The following C3orf33 variants were observed in gnomAD, a reference collection of about 807,000 sequenced individuals.
C3orf33 encodes AP-1 activity suppressor.
C3orf33 carries 23 observed loss-of-function variants against 28.7 expected under a neutral mutation model. The ratio of observed to expected loss-of-function variants is 0.80; its 90% confidence interval spans 0.58 to 1.13. The LOEUF is 1.13. C3orf33 is among the 50% of genes most tolerant of loss of function. The probability of loss-of-function intolerance (pLI) is 0.00; values close to 1 mark genes in which losing one functional copy is unlikely to be tolerated. For synonymous variants in C3orf33, 119 were observed against 120.5 expected (o/e 0.99, Z 0.08); for missense variants, 327 against 353.4 (o/e 0.93, Z 0.60).
At chr3:155,795,232 G>C (rs1751441318) in intron 2 of C3orf33, among the ~76,000 whole-genome samples, 1 of 152,186 alleles carries the variant, frequency 6.6e-6, no homozygotes, top group Non-Finnish European at 1.5e-5. Flanking sequence ...GAGGTGGATA[G>C]ACCACCTGAG....
chr3:155,776,948 A>G (rs1050082852), intron 2 of C3orf33, among the ~76,000 whole-genome samples: 4 of 152,086 alleles, frequency 2.6e-5, no homozygotes, highest in Non-Finnish European at 4.4e-5. Context: ...GTGGCAAGAT[A>G]CTATAAAATA....
At chr3:155,803,713 T>C (rs968385263) in intron 1 of C3orf33, among the ~76,000 whole-genome samples, 1 of 150,044 alleles carries the variant, frequency 6.7e-6, no homozygotes, top group Non-Finnish European at 1.5e-5. Context: ...AAACCTCGTC[T>C]CTACTAAAAA....
At chr3:155,778,723 T>C (rs1577420134) in intron 2 of C3orf33, among the ~76,000 whole-genome samples, 2 of 152,160 alleles carry the variant, frequency 1.3e-5, no homozygotes, top group East Asian at 3.8e-4. Context: ...GAAATACAGA[T>C]TAAATATGCA....
At chr3:155,799,924 A>T (rs1475313948) in intron 2 of C3orf33, among the ~76,000 whole-genome samples, 1 of 152,156 alleles carries the variant, frequency 6.6e-6, no homozygotes, top group Non-Finnish European at 1.5e-5. Context: ...TGGGAAGGGT[A>T]GCTGGGGATG....
At chr3:155,785,438 G>T (rs1751071224) in intron 2 of C3orf33, among the ~76,000 whole-genome samples, 1 of 152,186 alleles carries the variant, frequency 6.6e-6, no homozygotes, top group South Asian at 2.1e-4. Context: ...CAGTCTCCAA[G>T]ATAGACCATT....
chr3:155,768,070 G>A (rs984130560), intron 3 of C3orf33, among the ~76,000 whole-genome samples: 1 of 152,062 alleles, frequency 6.6e-6, no homozygotes, highest in Admixed American at 6.6e-5. Flanking sequence ...AGTAGAGACA[G>A]GGTCTCGTTA....
chr3:155,804,380 C>T (rs1446141568), intron 1 of C3orf33, among the ~76,000 whole-genome samples: 1 of 152,110 alleles, frequency 6.6e-6, no homozygotes, highest in African/African-American at 2.4e-5. Context: ...CACCAATTAA[C>T]ACATATATTA....
At chr3:155,767,693 G>A (rs760850350) in intron 3 of C3orf33, 24 bp from the exon 4 acceptor site, 6 of 1,461,836 alleles carry the variant, frequency 4.1e-6, no homozygotes, top group Non-Finnish European at 5.5e-6. Flanking sequence ...GTAGAAAAGA[G>A]TTTAGCTTTA....
intron 2 of C3orf33, among the ~76,000 whole-genome samples, chr3:155,776,759 C>CAAAAAAAAA (rs10654812): frequency 7.5e-4 from 65 of 86,876 alleles, no homozygotes; most frequent in African/African-American, 8.8e-4. Flanking sequence ...CTGACTCTGT[C>CAAAAAAAAA]AAAAAAAAAA....
chr3:155,763,552 G>A lies in C3orf33; in HGVS notation c.850C>T (p.Leu284Phe). ...CTACGAAAGTTTATGCGACTTATAA[G>A]TTCTCTGAACTTCAGTATTAAGGAG... ...NCSLILKFRE[L>F]ISRINFRRKG Residue 284 changes from leucine (L) to phenylalanine (F), a missense_variant, in exon 5 of 5, where the codon CTT becomes TTT. By Grantham distance (22) the Leu-to-Phe change is conservative (BLOSUM62 0). Coordinates refer to ENST00000340171, the MANE Select transcript of C3orf33 (RefSeq NM_001308229.2). The A allele has an allele frequency of 6.5e-7, 1 of 1,537,816 alleles. No individual in the cohort carries two copies. The highest frequency in any genetic ancestry group is 8.7e-7 in the Non-Finnish European group (1 of 1,152,208).
chr3:155,795,301 C>A (rs1476491690), intron 2 of C3orf33, among the ~76,000 whole-genome samples: 1 of 151,874 alleles, frequency 6.6e-6, no homozygotes, highest in Non-Finnish European at 1.5e-5. Context: ...ACTAAAAATA[C>A]AAAAATTAGC....
intron 2 of C3orf33, among the ~76,000 whole-genome samples, chr3:155,791,425 C>T (rs762221623): frequency 2.6e-5 from 4 of 152,124 alleles, no homozygotes; most frequent in Non-Finnish European, 5.9e-5. Context: ...GTGAGGGACT[C>T]CTTCTACTTG....
chr3:155,804,807 C>T (rs1751763755), intron 1 of C3orf33, among the ~76,000 whole-genome samples: 1 of 152,318 alleles, frequency 6.6e-6, no homozygotes, highest in South Asian at 2.1e-4. Context: ...TTATGCAGGT[C>T]ATTCCCAATG....
chr3:155,789,534 A>G (rs909328532), intron 2 of C3orf33, among the ~76,000 whole-genome samples: 1 of 152,172 alleles, frequency 6.6e-6, no homozygotes, highest in Admixed American at 6.5e-5. Flanking sequence ...TTAAATGTCA[A>G]TATTACACAA....
In C3orf33 at chr3:155,763,562, C is replaced by T; in HGVS notation, c.840G>A (p.Lys280=). 6.5e-7 allele frequency: 1 copy of T among 1,549,172 alleles called. No homozygotes were observed. The highest frequency in any genetic ancestry group is 1.3e-5 in the South Asian group (1 of 78,714). ...TTATGCGACTTATAAGTTCTCTGAA[C>T]TTCAGTATTAAGGAGCAGTTGTTCA... is the stretch of plus-strand genomic sequence containing the variant. ...DNMNNCSLIL[K]FRELISRINF... is the part of the protein sequence containing the mutation. Residue 280 remains lysine, a synonymous_variant, in exon 5 of 5, where the codon AAG becomes AAA. Transcript: ENST00000340171.
chr3:155,775,903 A>G, intron 2 of C3orf33, 55 bp from the exon 3 acceptor site: 3 of 1,296,464 alleles, frequency 2.3e-6, no homozygotes, highest in Non-Finnish European at 3.2e-6. Flanking sequence ...TCATCTCAAA[A>G]TTTAAAATGT....
intron 4 of C3orf33, 80 bp downstream of exon 4, chr3:155,767,429 A>C: frequency 8.8e-7 from 1 of 1,140,394 alleles, no homozygotes; most frequent in Non-Finnish European, 1.1e-6. Context: ...TTATATATCC[A>C]AAGTTCTAAT....
At position 155,778,141 on chromosome 3, in the gene C3orf33, CAAAAAAAA is replaced by C. The variant is rs55700532; in HGVS notation, c.175-2301_175-2294del. 1.2e-3 allele frequency among the ~76,000 whole-genome samples: 92 copies of C among 75,768 alleles called. 1 individual carries two copies. Among genetic ancestry groups the C allele is most frequent in the African/African-American group, 4.0e-3 (76 of 19,066 alleles). The allele number at this position is 75,768 out of a possible 152,430, so 49.7% of individuals were successfully genotyped here. A position where few individuals can be genotyped will look rare whatever the true frequency, so the allele number is the denominator to read the frequency against. Reference sequence around the variant, plus strand: ...CTCCAGCCTGAGTGAAACTCCATTTCAAAAAAAAAAAAAAAAAAAAAACAAGTAGGGGT... The same window carrying C: ...CTCCAGCCTGAGTGAAACTCCATTTCAAAAAAAAAAAAAACAAGTAGGGGT... On this transcript the variant is annotated intron_variant, in intron 2 of 4. Transcript: ENST00000340171.
chr3:155,765,853 T>TAACTTACTTTTA (rs1387908857), intron 4 of C3orf33, among the ~76,000 whole-genome samples: 2 of 152,174 alleles, frequency 1.3e-5, no homozygotes, highest in Non-Finnish European at 2.9e-5. Context: ...CAGCCTTTAT[T>TAACTTACTTTTA]AACTTACTTT....
Sources: gnomAD v4.1 joint callset for allele counts (sites outside exome capture counted in the v4.1 genomes callset) on GRCh38, gnomAD v4.1.1 for gene constraint, MANE v1.5 for transcripts, NCBI Gene and HGNC (gene_info 2026-07-23, HGNC 2026-07-21) for gene names.